The following CEP135 variants were observed in gnomAD, a reference collection of about 807,000 sequenced individuals.
CEP135 encodes centrosomal protein of 135 kDa.
In CEP135, 142 loss-of-function variants were observed where a neutral mutation model predicts 157.3. The observed-to-expected ratio is 0.90, with a 90% CI of 0.79 to 1.04. CEP135 has a LOEUF of 1.04. Among genes scored for constraint, CEP135 ranks in the 50% least tolerant of loss-of-function variants. The pLI is 0.00. For missense variants in CEP135, 1,317 were observed against 1,309.2 expected (o/e 1.01, Z -0.09); for synonymous variants, 396 against 439.8 (o/e 0.90, Z 1.25).
chr4:56,008,263 G>A lies in CEP135; in HGVS notation c.2281-64G>A. The stretch of plus-strand genomic sequence containing the variant: ...TATTTGAACTATATGAATATGACAA[G>A]TTACATAAATTTAGCTAAAGACATT... On this transcript the variant is annotated intron_variant, in intron 17 of 25. Transcript: ENST00000257287. The A allele has an allele frequency of 8.5e-6, 10 of 1,171,642 alleles. No individual in the cohort carries two copies. In the South Asian group the frequency reaches 1.1e-4, roughly 13 times the overall value. 72.6% of individuals were successfully genotyped at this position (1,171,642 alleles called of 1,614,324 possible). A position where few individuals can be genotyped will look rare whatever the true frequency, so the allele number is the denominator to read the frequency against.
chr4:56,003,659 G>A (rs555296395), intron 17 of CEP135, among the ~76,000 whole-genome samples: 16 of 150,296 alleles, frequency 1.1e-4, no homozygotes, highest in African/African-American at 3.9e-4. Flanking sequence ...TTGTTTATTC[G>A]AAGTCTTTCT....
chr4:55,985,868 A>C (rs1332157072), intron 14 of CEP135, among the ~76,000 whole-genome samples: 1 of 152,112 alleles, frequency 6.6e-6, no homozygotes, highest in Non-Finnish European at 1.5e-5. Context: ...GGACCCCAAG[A>C]ATTAGAGGCT....
At chr4:55,979,458 T>G (rs913964345) in intron 11 of CEP135, among the ~76,000 whole-genome samples, 2 of 152,174 alleles carry the variant, frequency 1.3e-5, no homozygotes, top group African/African-American at 4.8e-5. Flanking sequence ...GGTAGAAATA[T>G]TTGCATTTAT....
chr4:55,968,513 A>G (rs1339884803), intron 8 of CEP135, among the ~76,000 whole-genome samples: 1 of 152,024 alleles, frequency 6.6e-6, no homozygotes, highest in African/African-American at 2.4e-5. Context: ...TTTTAGTTTC[A>G]TTACAACACT....
At chr4:55,995,343 C>A (rs1164935306) in intron 15 of CEP135, among the ~76,000 whole-genome samples, 1 of 152,124 alleles carries the variant, frequency 6.6e-6, no homozygotes, top group African/African-American at 2.4e-5. Flanking sequence ...TTGTTTTAGG[C>A]TTTCAGCAGC....
rs141602415 is a variant in CEP135, at chr4:55,971,292, A to G, written c.1133A>G (p.Glu378Gly). Residue 378 changes from glutamate to glycine, a missense_variant, in exon 10 of 26, where the codon GAA becomes GGA. Coordinates refer to ENST00000257287, the MANE Select transcript of CEP135 (RefSeq NM_025009.5). The stretch of plus-strand genomic sequence containing the variant: ...CAGGAATTGAACTTATGCCAGAAAG[A>G]AAAGGAGAGACTGAGTGATGAACTC... Reference protein sequence around the residue: ...LQLELNLCQKEKERLSDELLV... With the variant: ...LQLELNLCQKGKERLSDELLV... 2.3e-4 allele frequency: 361 copies of G among 1,591,742 alleles called. 3 individuals are homozygous for G. The African/African-American group carries it at 4.2e-3, about 19-fold the overall frequency.
intron 21 of CEP135, among the ~76,000 whole-genome samples, chr4:56,014,816 C>A (rs2109738594): frequency 6.6e-6 from 1 of 152,232 alleles, no homozygotes; most frequent in South Asian, 2.1e-4. Context: ...ATCGCTCAAG[C>A]AATCCACCTG....
intron 15 of CEP135, among the ~76,000 whole-genome samples, chr4:55,995,310 ATT>A (rs1409744678): frequency 2.0e-5 from 3 of 152,166 alleles, no homozygotes; most frequent in African/African-American, 7.2e-5. Context: ...AACCCACCGT[ATT>A]TTGTTGTTGT....
Position 55,962,464 on chromosome 4 carries a change from C to T in CEP135, c.700-1810C>T, listed in dbSNP as rs114206768. ...TTCTCCCTCTCTATGCAGACTTCTC[C>T]AAAGACTGTCTTACTTGATATCTCC... is the stretch of plus-strand genomic sequence containing the variant. On this transcript the variant is annotated intron_variant, in intron 6 of 25. Transcript: ENST00000257287. Among the ~76,000 whole-genome samples, 323 of 152,244 alleles carry T rather than the reference C, an allele frequency of 2.1e-3. 2 individuals are homozygous for T. Among genetic ancestry groups the T allele is most frequent in the African/African-American group, 7.4e-3 (306 of 41,554 alleles).
chr4:56,024,460 G>C (rs765519204), intron 24 of CEP135, 41 bp from the exon 25 acceptor site: 1 of 1,449,874 alleles, frequency 6.9e-7, no homozygotes, highest in Admixed American at 1.7e-5. Context: ...GATTTTCCCT[G>C]GTGCTTGAAT....
At chr4:56,010,175 A>ACCCCCCC (rs3036749) in intron 19 of CEP135, among the ~76,000 whole-genome samples, 2 of 122,882 alleles carry the variant, frequency 1.6e-5, no homozygotes, top group Non-Finnish European at 3.5e-5. Context: ...CATTGTGAAA[A>ACCCCCCC]CCCCCCCCCC....
intron 23 of CEP135, among the ~76,000 whole-genome samples, chr4:56,020,104 G>T (rs942359863): frequency 2.6e-5 from 4 of 152,186 alleles, no homozygotes; most frequent in Non-Finnish European, 5.9e-5. Flanking sequence ...TACAGTTGAG[G>T]AATGGACAGA....
rs761560021 is a variant in CEP135 at position 55,991,988 on chromosome 4, A to G, written c.1912A>G (p.Ile638Val). Residue 638 changes from isoleucine (I) to valine (V), a missense_variant, in exon 15 of 26, where the codon ATA becomes GTA. Transcript: ENST00000257287. ...KSKVLIMKET[I>V]ESLENKLKVQ... ...TAAAGTGTTAATAATGAAAGAAACA[A>G]TAGAGTCGTTAGAGAACAAATTAAA... The G allele has an allele frequency of 4.4e-6, 7 of 1,583,048 alleles. No homozygotes were observed. Among genetic ancestry groups the G allele is most frequent in the Non-Finnish European group, 4.3e-6 (5 of 1,157,228 alleles).
chr4:55,959,263 C>G (rs1286856847), intron 5 of CEP135, among the ~76,000 whole-genome samples: 2 of 152,066 alleles, frequency 1.3e-5, no homozygotes, highest in Admixed American at 1.3e-4. Context: ...GATCTTTTTT[C>G]CAGGGTTTCA....
Position 56,008,251 on chromosome 4 carries a change from T to C in CEP135, c.2281-76T>C. On this transcript the variant is annotated intron_variant, in intron 17 of 25. Transcript: ENST00000257287. ...AATTGAGCTGTGTATTTGAACTATA[T>C]GAATATGACAAGTTACATAAATTTA... is the stretch of plus-strand genomic sequence containing the variant. The C allele has an allele frequency of 2.9e-6, 3 of 1,036,230 alleles. No homozygotes were observed. The East Asian group carries it at 7.1e-5, about 25-fold the overall frequency. The allele number at this position is 1,036,230 out of a possible 1,614,324, so 64.2% of individuals were successfully genotyped here.
intron 14 of CEP135, among the ~76,000 whole-genome samples, chr4:55,991,139 C>T (rs933406828): frequency 1.9e-4 from 29 of 152,212 alleles, no homozygotes; most frequent in African/African-American, 7.0e-4. Context: ...CCACGCCTAG[C>T]TAATTTTTTG....
intron 9 of CEP135, among the ~76,000 whole-genome samples, chr4:55,969,764 TGTTA>T (rs1358484221): frequency 6.6e-6 from 1 of 152,258 alleles, no homozygotes; most frequent in African/African-American, 2.4e-5. Context: ...CTTTATGATT[TGTTA>T]GTTGACTAAT....
intron 17 of CEP135, among the ~76,000 whole-genome samples, chr4:56,005,469 T>TA (rs959335274): frequency 6.6e-6 from 1 of 151,410 alleles, no homozygotes; most frequent in African/African-American, 2.4e-5. Flanking sequence ...AAGACATAAC[T>TA]AAAAAAAAAT....
At chr4:56,010,987 A>G (rs2109733233) in intron 19 of CEP135, among the ~76,000 whole-genome samples, 1 of 152,192 alleles carries the variant, frequency 6.6e-6, no homozygotes. Context: ...TAATCCCAGC[A>G]CTTTCGGAGA....
Sources: gnomAD v4.1 joint callset for allele counts (sites outside exome capture counted in the v4.1 genomes callset) on GRCh38, gnomAD v4.1.1 for gene constraint, MANE v1.5 for transcripts, NCBI Gene and HGNC (gene_info 2026-07-23, HGNC 2026-07-21) for gene names.